PTPRG: variants seen among roughly 807,000 people sequenced by gnomAD.
The protein encoded by PTPRG is protein tyrosine phosphatase receptor type G, also known as receptor-type tyrosine-protein phosphatase gamma.
A neutral mutation model predicts 165.3 loss-of-function variants in PTPRG; 102 were observed. The ratio of observed to expected loss-of-function variants is 0.62; its 90% CI spans 0.53 to 0.73. The LOEUF is 0.73. PTPRG is among the 30% of genes least tolerant of loss of function. The pLI, the probability that PTPRG is intolerant of heterozygous loss-of-function variation, is 0.00. For synonymous variants in PTPRG, 675 were observed against 669.5 expected (o/e 1.01, Z -0.13); for missense variants, 1,866 against 1,861.4 (o/e 1.00, Z -0.05).
intron 2 of PTPRG, among the ~76,000 whole-genome samples, chr3:61,886,311 A>G (rs1035171930): frequency 6.6e-6 from 1 of 152,022 alleles, no homozygotes. Context: ...TGGCTACTTG[A>G]GGAGACACAC....
chr3:62,008,288 T>A (rs984470045), intron 4 of PTPRG, among the ~76,000 whole-genome samples: 10 of 152,218 alleles, frequency 6.6e-5, no homozygotes, highest in African/African-American at 2.4e-4. Flanking sequence ...GTTCATTGCA[T>A]GCTTGTTGTT....
chr3:62,093,010 T>A (rs1451149878), intron 5 of PTPRG, among the ~76,000 whole-genome samples: 1 of 152,204 alleles, frequency 6.6e-6, no homozygotes, highest in African/African-American at 2.4e-5. Context: ...TCCTCAATCA[T>A]GGCTCCACAC....
At chr3:61,833,673 G>C (rs35516431) in intron 2 of PTPRG, among the ~76,000 whole-genome samples, 1 of 151,630 alleles carries the variant, frequency 6.6e-6, no homozygotes, top group Admixed American at 6.6e-5. Flanking sequence ...AGCAATTCTC[G>C]TGCCTCAGCC....
intron 2 of PTPRG, among the ~76,000 whole-genome samples, chr3:61,788,547 A>G (rs1264356509): frequency 6.6e-6 from 1 of 152,188 alleles, no homozygotes; most frequent in Non-Finnish European, 1.5e-5. Context: ...TACATTGGTA[A>G]ATTGAAGGAA....
chr3:62,053,328 G>A (rs890985061), intron 4 of PTPRG, among the ~76,000 whole-genome samples: 41 of 145,766 alleles, frequency 2.8e-4, no homozygotes, highest in Non-Finnish European at 2.2e-4. Context: ...GTGCAGTGGT[G>A]CTATCTCAGC....
chr3:62,083,291 G>C (rs1471271277), intron 5 of PTPRG, among the ~76,000 whole-genome samples: 1 of 151,098 alleles, frequency 6.6e-6, no homozygotes, highest in African/African-American at 2.4e-5. Flanking sequence ...GTGGAGAACG[G>C]GGTCTCACTA....
At chr3:62,013,202 A>C (rs2041467542) in intron 4 of PTPRG, among the ~76,000 whole-genome samples, 1 of 152,204 alleles carries the variant, frequency 6.6e-6, no homozygotes, top group Admixed American at 6.5e-5. Flanking sequence ...AATCAATATA[A>C]AAAGGTATCG....
intron 8 of PTPRG, among the ~76,000 whole-genome samples, chr3:62,179,718 A>G (rs1662810888): frequency 6.6e-6 from 1 of 152,212 alleles, no homozygotes; most frequent in Non-Finnish European, 1.5e-5. Context: ...TCTCTCCATC[A>G]ACTGACAGTC....
At chr3:61,940,763 A>C (rs2039604102) in intron 2 of PTPRG, among the ~76,000 whole-genome samples, 1 of 151,842 alleles carries the variant, frequency 6.6e-6, no homozygotes, top group Non-Finnish European at 1.5e-5. Flanking sequence ...TCCTGGGTTC[A>C]TGCCATTCTC....
At chr3:61,815,390 G>A (rs934244024) in intron 2 of PTPRG, among the ~76,000 whole-genome samples, 3 of 152,012 alleles carry the variant, frequency 2.0e-5, no homozygotes, top group Non-Finnish European at 2.9e-5. Flanking sequence ...GCAACAGAAC[G>A]AGACCGTCTC....
chr3:62,267,833 GACTC>G lies in PTPRG; in HGVS notation c.2874+18_2874+21del. On this transcript the variant is annotated intron_variant, in intron 19 of 29. Coordinates refer to ENST00000474889, the MANE Select transcript of PTPRG (RefSeq NM_002841.4). ...GAAAAAGGAAGAGTAAGAGCCTTTT[GACTC>G]ACTATCTTAATAATGCACCTTCATT... The G allele has an allele frequency of 6.2e-7, 1 of 1,610,544 alleles. No individual in the cohort carries two copies. Among genetic ancestry groups the G allele is most frequent in the Non-Finnish European group, 8.5e-7 (1 of 1,178,520 alleles).
intron 2 of PTPRG, among the ~76,000 whole-genome samples, chr3:61,983,826 A>C (rs1027044740): frequency 6.6e-6 from 1 of 152,108 alleles, no homozygotes; most frequent in Non-Finnish European, 1.5e-5. Flanking sequence ...ATTTGTCCTT[A>C]TTTGGACTTT....
At chr3:62,143,964 G>T (rs2106652465) in intron 6 of PTPRG, among the ~76,000 whole-genome samples, 1 of 152,348 alleles carries the variant, frequency 6.6e-6, no homozygotes, top group South Asian at 2.1e-4. Flanking sequence ...GGCGTGCCTG[G>T]TATGTGTTCA....
At chr3:62,061,709 A>G (rs1170443872) in intron 4 of PTPRG, among the ~76,000 whole-genome samples, 1 of 150,590 alleles carries the variant, frequency 6.6e-6, no homozygotes, top group Non-Finnish European at 1.5e-5. Context: ...GCTCACTGCA[A>G]TCTCTGCCTC....
At chr3:61,599,561 C>T (rs1056546144) in intron 1 of PTPRG, among the ~76,000 whole-genome samples, 2 of 152,124 alleles carry the variant, frequency 1.3e-5, no homozygotes, top group Non-Finnish European at 2.9e-5. Flanking sequence ...GGTATGATCT[C>T]GGTTCACTGC....
intron 1 of PTPRG, among the ~76,000 whole-genome samples, chr3:61,579,245 T>G (rs978623473): frequency 6.6e-6 from 1 of 152,228 alleles, no homozygotes; most frequent in Non-Finnish European, 1.5e-5. Flanking sequence ...GGGAGTGCTG[T>G]GATCACCTGC....
intron 1 of PTPRG, among the ~76,000 whole-genome samples, chr3:61,634,301 G>A (rs918484000): frequency 1.3e-5 from 2 of 151,920 alleles, no homozygotes; most frequent in South Asian, 2.1e-4. Context: ...GCAGTGGTGC[G>A]ATCTCGGCTC....
intron 1 of PTPRG, among the ~76,000 whole-genome samples, chr3:61,589,972 G>A (rs1700526930): frequency 6.6e-6 from 1 of 152,120 alleles, no homozygotes; most frequent in Non-Finnish European, 1.5e-5. Flanking sequence ...GAGAAGTTGA[G>A]GAGTTAGGCC....
rs535914525 is a variant in PTPRG at position 62,190,077 on chromosome 3, C to A, written c.1034-1392C>A. 6.6e-6 allele frequency among the ~76,000 whole-genome samples: 1 copy of A among 152,190 alleles called. No homozygotes were observed. The highest frequency in any genetic ancestry group is 1.5e-5 in the Non-Finnish European group (1 of 68,036). On this transcript the variant is annotated intron_variant, in intron 8 of 29. Coordinates refer to ENST00000474889, the MANE Select transcript of PTPRG (RefSeq NM_002841.4). This position sits in a 1 kb window ranked among gnomAD's most constrained non-coding sequence, Gnocchi z 5.2. Reference sequence around the variant, plus strand: ...CTCCTCTCCCTCCATCCTGTCCTGGCGTGCAGTGATGGCTCTGCGCATGGG... The same window carrying A: ...CTCCTCTCCCTCCATCCTGTCCTGGAGTGCAGTGATGGCTCTGCGCATGGG...
Sources: allele counts gnomAD v4.1 joint callset (sites outside exome capture counted in the v4.1 genomes callset), GRCh38; gene constraint gnomAD v4.1.1; non-coding constraint Gnocchi (gnomAD v3.1); transcripts MANE v1.5; gene names NCBI Gene and HGNC (gene_info 2026-07-23, HGNC 2026-07-21).